EPHB1: variants seen among roughly 807,000 people sequenced by gnomAD.
EPHB1 encodes the protein ephrin type-B receptor 1.
EPHB1 carries 30 observed loss-of-function variants against 94.4 expected under a neutral mutation model. The ratio of observed to expected loss-of-function variants is 0.32; its 90% CI spans 0.24 to 0.43. The LOEUF is 0.43. Ranked by LOEUF, EPHB1 falls within the 20% of genes least tolerant of loss-of-function variation. EPHB1 has a pLI of 1.00. For missense variants in EPHB1, 1,055 were observed against 1,308.3 expected, an observed-to-expected ratio of 0.81 and a Z score of 2.99; for synonymous variants, 522 against 489.1, an observed-to-expected ratio of 1.07 and a Z score of -0.89.
intron 15 of EPHB1, among the ~76,000 whole-genome samples, chr3:135,255,929 T>C (rs1444035665): frequency 1.3e-5 from 2 of 148,420 alleles, no homozygotes; most frequent in Non-Finnish European, 3.0e-5. Context: ...ATATTTAGGA[T>C]AGTTAGCTCT....
intron 5 of EPHB1, among the ~76,000 whole-genome samples, chr3:135,146,695 C>A (rs1240739853): frequency 2.6e-5 from 4 of 152,232 alleles, no homozygotes; most frequent in Non-Finnish European, 5.9e-5. Flanking sequence ...TTTCTCCAAG[C>A]CCATTTGTAT....
intron 3 of EPHB1, among the ~76,000 whole-genome samples, chr3:135,005,316 C>T (rs1272879486): frequency 6.6e-6 from 1 of 152,238 alleles, no homozygotes; most frequent in Non-Finnish European, 1.5e-5. Flanking sequence ...TCTGCCCATT[C>T]TCAGATCTCT....
At chr3:135,106,745 ACTC>A in intron 4 of EPHB1, 142 bp downstream of exon 4, 2 of 1,054,510 alleles carry the variant, frequency 1.9e-6, no homozygotes, top group African/African-American at 1.6e-5. Context: ...GAAACATACA[ACTC>A]CTATGCTCGG....
At chr3:135,115,549 A>T (rs1939659856) in intron 4 of EPHB1, among the ~76,000 whole-genome samples, 1 of 152,076 alleles carries the variant, frequency 6.6e-6, no homozygotes, top group Non-Finnish European at 1.5e-5. Flanking sequence ...CTGGACTGGA[A>T]GCTCTTTGAC....
At chr3:135,214,216 C>G (rs1943092546) in intron 12 of EPHB1, among the ~76,000 whole-genome samples, 1 of 152,170 alleles carries the variant, frequency 6.6e-6, no homozygotes, top group Non-Finnish European at 1.5e-5. Flanking sequence ...TCCTCTCAGG[C>G]CATTTGCCCC....
chr3:134,971,244 A>C (rs180795154), intron 3 of EPHB1, among the ~76,000 whole-genome samples: 3 of 152,324 alleles, frequency 2.0e-5, no homozygotes, highest in African/African-American at 7.2e-5. Context: ...AAGCAGATTA[A>C]ATAAACTGGG....
intron 15 of EPHB1, among the ~76,000 whole-genome samples, chr3:135,253,843 G>A (rs1478806570): frequency 6.6e-6 from 1 of 152,178 alleles, no homozygotes; most frequent in Non-Finnish European, 1.5e-5. Context: ...TCCTACCCAT[G>A]AGCATGGAAT....
rs191810531 is a variant in EPHB1 at position 135,091,300 on chromosome 3, T to C, written c.806-15148T>C. On this transcript the variant is annotated intron_variant, in intron 3 of 15. Transcript: ENST00000398015. Reference sequence around the variant, plus strand: ...GCCATCTGGGCAGGTGGAGCAGACATTGGCACCATGACTTGTTCTGGTTCA... The same window carrying C: ...GCCATCTGGGCAGGTGGAGCAGACACTGGCACCATGACTTGTTCTGGTTCA... 1.9e-3 allele frequency among the ~76,000 whole-genome samples: 289 copies of C among 152,280 alleles called. 4 individuals carry two copies. The highest frequency in any genetic ancestry group is 6.7e-3 in the African/African-American group (280 of 41,544).
chr3:135,024,006 G>A (rs1936058395), intron 3 of EPHB1, among the ~76,000 whole-genome samples: 1 of 152,186 alleles, frequency 6.6e-6, no homozygotes, highest in South Asian at 2.1e-4. Context: ...CAATGAAGTA[G>A]TTTATTTTGG....
intron 13 of EPHB1, among the ~76,000 whole-genome samples, chr3:135,243,989 T>C (rs1943857852): frequency 1.3e-5 from 2 of 152,102 alleles, no homozygotes; most frequent in Non-Finnish European, 2.9e-5. Context: ...CAAGGTCGAC[T>C]AGGCACTACC....
chr3:135,079,029 C>G (rs1441232040), intron 3 of EPHB1, among the ~76,000 whole-genome samples: 1 of 151,958 alleles, frequency 6.6e-6, no homozygotes, highest in Non-Finnish European at 1.5e-5. Context: ...CAGTGTTAAG[C>G]CCAAATAGTT....
At chr3:135,094,404 G>A (rs889974399) in intron 3 of EPHB1, among the ~76,000 whole-genome samples, 1 of 152,124 alleles carries the variant, frequency 6.6e-6, no homozygotes, top group Middle Eastern at 3.2e-3. Flanking sequence ...GCTCCAGAAT[G>A]TCGGGTGTCT....
At position 135,179,946 on chromosome 3, in the gene EPHB1, G is replaced by T. The variant is rs758266659; in HGVS notation, c.1846G>T (p.Val616Leu). ...CCGGGAGTTTGCCAAGGAGATTGAT[G>T]TATCTTTTGTGAAAATTGAAGAGGT... is the stretch of plus-strand genomic sequence containing the variant. The part of the protein sequence containing the change: ...AVREFAKEID[V>L]SFVKIEEVIG... Residue 616 changes from valine to leucine, a missense_variant, in exon 10 of 16, where the codon GTA becomes TTA. By Grantham distance (32) the Val-to-Leu change is conservative. Transcript: ENST00000398015. The T allele has an allele frequency of 6.2e-7, 1 of 1,613,952 alleles. No homozygotes were observed. The highest frequency in any genetic ancestry group is 8.5e-7 in the Non-Finnish European group (1 of 1,179,850).
intron 3 of EPHB1, among the ~76,000 whole-genome samples, chr3:135,007,836 T>G (rs1170120200): frequency 6.6e-6 from 1 of 152,244 alleles, no homozygotes; most frequent in Non-Finnish European, 1.5e-5. Context: ...TTAAATACTT[T>G]TCCTCTACTT....
At chr3:134,994,341 T>C (rs1934919017) in intron 3 of EPHB1, among the ~76,000 whole-genome samples, 1 of 152,198 alleles carries the variant, frequency 6.6e-6, no homozygotes, top group Non-Finnish European at 1.5e-5. Flanking sequence ...CCTCTCCCTG[T>C]CTGCACTGCT....
intron 1 of EPHB1, among the ~76,000 whole-genome samples, chr3:134,905,655 A>G (rs1213845855): frequency 6.6e-6 from 1 of 152,104 alleles, no homozygotes; most frequent in Non-Finnish European, 1.5e-5. Flanking sequence ...TGTGGAGTAC[A>G]CCACACTTCT....
intron 1 of EPHB1, among the ~76,000 whole-genome samples, chr3:134,912,495 C>T (rs1320100183): frequency 2.0e-5 from 3 of 152,232 alleles, no homozygotes; most frequent in Non-Finnish European, 2.9e-5. Context: ...TTCTGGACCC[C>T]GGCATGCCTG....
intron 1 of EPHB1, among the ~76,000 whole-genome samples, chr3:134,798,300 G>A (rs923801287): frequency 1.3e-5 from 2 of 152,186 alleles, no homozygotes; most frequent in Admixed American, 6.5e-5. Flanking sequence ...GTGGCCAGAG[G>A]AAGGCAGGGC....
intron 1 of EPHB1, among the ~76,000 whole-genome samples, chr3:134,896,658 T>C (rs957922270): frequency 2.0e-5 from 3 of 152,164 alleles, no homozygotes; most frequent in Non-Finnish European, 2.9e-5. Flanking sequence ...GCGCTAACCT[T>C]CTCCACACCC....
Sources: allele counts gnomAD v4.1 joint callset (sites outside exome capture counted in the v4.1 genomes callset), GRCh38; gene constraint gnomAD v4.1.1; transcripts MANE v1.5; gene names NCBI Gene and HGNC (gene_info 2026-07-23, HGNC 2026-07-21).